Variants in ANKDD1A observed in about 807,000 individuals in gnomAD.
The protein encoded by ANKDD1A is ankyrin repeat and death domain-containing protein 1A.
In ANKDD1A, 59 loss-of-function variants were observed where a neutral mutation model predicts 63.5. The ratio of observed to expected loss-of-function variants is 0.93; its 90% CI spans 0.75 to 1.15. The LOEUF (loss-of-function observed/expected upper bound fraction) is 1.15, where lower values mean the gene tolerates loss of function less well. Ranked by LOEUF, ANKDD1A falls within the 50% of genes most tolerant of loss-of-function variation. ANKDD1A has a pLI of 0.00. For synonymous variants in ANKDD1A, 266 were observed against 263.9 expected, an observed-to-expected ratio of 1.01 and a Z score of -0.08; for missense variants, 632 against 656.4, an observed-to-expected ratio of 0.96 and a Z score of 0.41.
rs377561408 is a variant in ANKDD1A, at chr15:64,931,574, G to C, written c.757G>C (p.Ala253Pro). Residue 253 changes from alanine (A) to proline (P), a missense_variant, in exon 8 of 15, where the codon GCC (alanine) becomes CCC (proline). Coordinates refer to ENST00000319580, the MANE Select transcript of ANKDD1A (RefSeq NM_182703.6). ...LLLRAGSTVN[A>P]LTQKNLSCLH... The stretch of plus-strand genomic sequence containing the variant: ...CCTCAGGGCTGGGAGCACCGTGAAT[G>C]CCCTCACCCAGGTAGCCAGGCCCTC... 4.3e-5 allele frequency: 70 copies of C among 1,613,924 alleles called. No individual in the cohort carries two copies. Among genetic ancestry groups the C allele is most frequent in the Non-Finnish European group, 5.8e-5 (69 of 1,180,018 alleles).
chr15:64,920,686 G>A (rs2085001463), intron 3 of ANKDD1A, among the ~76,000 whole-genome samples: 1 of 151,880 alleles, frequency 6.6e-6, no homozygotes, highest in African/African-American at 2.4e-5. Context: ...CAAGTAGCTG[G>A]GACTACAGGC....
chr15:64,914,358 C>T lies in ANKDD1A; in HGVS notation c.35-1439C>T, dbSNP rs562087160. Among the ~76,000 whole-genome samples the T allele has an allele frequency of 4.6e-5, 7 of 152,348 alleles. 1 individual carries two copies. In the South Asian group the frequency reaches 1.0e-3, roughly 23 times the overall value. Reference sequence around the variant, plus strand: ...CTGGAGTGCAGAGGTGCAATTATAGCTCATTGGCAGCCTCAAACTCCTGGG... The same window carrying T: ...CTGGAGTGCAGAGGTGCAATTATAGTTCATTGGCAGCCTCAAACTCCTGGG... On this transcript the variant is annotated intron_variant, in intron 1 of 14. Coordinates refer to ENST00000319580, the MANE Select transcript of ANKDD1A (RefSeq NM_182703.6).
intron 1 of ANKDD1A, among the ~76,000 whole-genome samples, chr15:64,912,645 G>A (rs979433148): frequency 3.3e-5 from 5 of 152,270 alleles, no homozygotes; most frequent in Non-Finnish European, 5.9e-5. Context: ...TGGGAGAGGG[G>A]AGAGAAAGAT....
intron 4 of ANKDD1A, among the ~76,000 whole-genome samples, chr15:64,923,297 C>A (rs985437222): frequency 6.6e-6 from 1 of 152,064 alleles, no homozygotes; most frequent in Admixed American, 6.6e-5. Flanking sequence ...AATGGATTTT[C>A]CCCAAGAGCT....
At chr15:64,941,791 C>T (rs2085186464) in intron 9 of ANKDD1A, among the ~76,000 whole-genome samples, 1 of 152,142 alleles carries the variant, frequency 6.6e-6, no homozygotes. Flanking sequence ...CTCAGGGGGC[C>T]ACAGGAGACT....
At chr15:64,945,147 T>C (rs1030028243) in intron 12 of ANKDD1A, among the ~76,000 whole-genome samples, 7 of 152,158 alleles carry the variant, frequency 4.6e-5, no homozygotes, top group African/African-American at 1.7e-4. Context: ...AGTAAGTGTG[T>C]TGCAATTCAT....
intron 4 of ANKDD1A, among the ~76,000 whole-genome samples, chr15:64,925,360 C>T (rs2085038576): frequency 6.6e-6 from 1 of 151,854 alleles, no homozygotes; most frequent in African/African-American, 2.4e-5. Flanking sequence ...AACAGGACTT[C>T]AAATAATCTG....
chr15:64,949,070 G>A (rs1000010587), intron 13 of ANKDD1A, among the ~76,000 whole-genome samples: 4 of 152,210 alleles, frequency 2.6e-5, no homozygotes, highest in Non-Finnish European at 5.9e-5. Flanking sequence ...GCCTGCTGAG[G>A]GCCCCAAGAG....
intron 4 of ANKDD1A, 127 bp downstream of exon 4, chr15:64,922,146 C>CT: frequency 1.3e-6 from 1 of 742,196 alleles, no homozygotes; most frequent in Admixed American, 2.4e-5. Context: ...GCCTGTCCCT[C>CT]TTTCATCTGA....
intron 9 of ANKDD1A, among the ~76,000 whole-genome samples, chr15:64,935,334 C>T (rs770582102): frequency 6.6e-6 from 1 of 151,818 alleles, no homozygotes; most frequent in African/African-American, 2.4e-5. Flanking sequence ...AGTTCGAGAC[C>T]AGCCTGGGCA....
intron 12 of ANKDD1A, 70 bp downstream of exon 12, chr15:64,944,817 T>C: frequency 6.5e-7 from 1 of 1,540,198 alleles, no homozygotes; most frequent in Non-Finnish European, 8.9e-7. Flanking sequence ...TGGAGCTGGC[T>C]TTGAACCCTA....
intron 14 of ANKDD1A, chr15:64,950,984 C>G: frequency 7.9e-7 from 1 of 1,272,500 alleles, no homozygotes; most frequent in Non-Finnish European, 1.0e-6. Flanking sequence ...AACGCAGCCC[C>G]GAGTGCCCCC....
At chr15:64,917,930 A>G (rs1223536828) in intron 3 of ANKDD1A, among the ~76,000 whole-genome samples, 1 of 152,252 alleles carries the variant, frequency 6.6e-6, no homozygotes, top group African/African-American at 2.4e-5. Flanking sequence ...TAGTTAACCA[A>G]TTGGCAGGCA....
At chr15:64,953,656 CTT>C (rs1491103899) in intron 14 of ANKDD1A, among the ~76,000 whole-genome samples, 14 of 21,232 alleles carry the variant, frequency 6.6e-4, no homozygotes, top group African/African-American at 1.3e-3. Flanking sequence ...CCTTCTCCTT[CTT>C]TTCTTTCTTC....
intron 7 of ANKDD1A, among the ~76,000 whole-genome samples, chr15:64,931,137 G>A (rs974126946): frequency 6.6e-6 from 1 of 152,186 alleles, no homozygotes; most frequent in African/African-American, 2.4e-5. Context: ...GACAGAAAGT[G>A]TGTGTTCAAA....
At chr15:64,922,112 C>A in intron 4 of ANKDD1A, 93 bp downstream of exon 4, 1 of 1,097,386 alleles carries the variant, frequency 9.1e-7, no homozygotes, top group Non-Finnish European at 1.3e-6. Context: ...CCCTGCTTGC[C>A]CCTCCAGCCC....
chr15:64,935,153 A>C (rs1160717217), intron 9 of ANKDD1A, among the ~76,000 whole-genome samples: 1 of 150,560 alleles, frequency 6.6e-6, no homozygotes, highest in Non-Finnish European at 1.5e-5. Context: ...GCTTGAGCCC[A>C]GGAAGTTGAG....
rs2084977328 is a variant in ANKDD1A at position 64,917,518 on chromosome 15, C to CAT, written c.267+4_267+5insAT. 3 of 1,502,692 alleles carry CAT rather than the reference C, an allele frequency of 2.0e-6. No individual in the cohort carries two copies. Among genetic ancestry groups the CAT allele is most frequent in the South Asian group, 2.6e-5 (2 of 76,866 alleles). The allele number at this position is 1,502,692 out of a possible 1,614,324, so 93.1% of individuals were successfully genotyped here. A position where few individuals can be genotyped will look rare whatever the true frequency, so the allele number is the denominator to read the frequency against. ...CCTCACAGAGGCACGTCTGTGTGTA[C>CAT]GTGTCTGTCTGTCTGTCTGTCTCAG... On this transcript the variant is annotated splice_donor_region_variant and intron_variant, in intron 3 of 14. Coordinates refer to ENST00000319580, the MANE Select transcript of ANKDD1A (RefSeq NM_182703.6).
At chr15:64,944,590 A>T (rs2085209090) in intron 11 of ANKDD1A, 62 bp from the exon 12 acceptor site, 4 of 1,502,536 alleles carry the variant, frequency 2.7e-6, no homozygotes, top group Admixed American at 1.9e-5. Flanking sequence ...CCTCAGTGCT[A>T]GAAACCCTTG....
Sources: gnomAD v4.1 joint callset for allele counts (sites outside exome capture counted in the v4.1 genomes callset) on GRCh38, gnomAD v4.1.1 for gene constraint, MANE v1.5 for transcripts, NCBI Gene and HGNC (gene_info 2026-07-23, HGNC 2026-07-21) for gene names.